NEDD9: variants seen among roughly 807,000 people sequenced by gnomAD.
The protein encoded by NEDD9 is enhancer of filamentation 1.
NEDD9 carries 26 observed loss-of-function variants against 76.6 expected under a neutral mutation model. That is an observed-to-expected ratio of 0.34 (90% CI 0.25 to 0.47). The LOEUF (loss-of-function observed/expected upper bound fraction) is 0.47, where lower values mean the gene tolerates loss of function less well. Among genes scored for constraint, NEDD9 ranks in the 20% least tolerant of loss-of-function variants. The pLI, the probability that NEDD9 is intolerant of heterozygous loss-of-function variation, is 1.00. For missense variants in NEDD9, 937 were observed against 1,058.5 expected (o/e 0.89, Z 1.59); for synonymous variants, 392 against 414.2 (o/e 0.95, Z 0.65).
chr6:11,230,986 C>G (rs751975994), intron 1 of NEDD9, among the ~76,000 whole-genome samples: 4 of 152,168 alleles, frequency 2.6e-5, no homozygotes, highest in Non-Finnish European at 5.9e-5. Context: ...CAATAATAGA[C>G]ATATGAACAT....
At chr6:11,253,405 T>G (rs1759947258) in intron 3 of NEDD9, among the ~76,000 whole-genome samples, 1 of 152,194 alleles carries the variant, frequency 6.6e-6, no homozygotes, top group Non-Finnish European at 1.5e-5. Context: ...TATGTCTCAT[T>G]CTTCACTTTT....
intron 2 of NEDD9, chr6:11,306,283 T>A: frequency 2.0e-6 from 1 of 497,874 alleles, no homozygotes; most frequent in South Asian, 2.6e-5. Flanking sequence ...ATGGAATCCA[T>A]CATCCATTCA....
chr6:11,346,437 G>C (rs1036802818), intron 1 of NEDD9, among the ~76,000 whole-genome samples: 1 of 151,264 alleles, frequency 6.6e-6, no homozygotes, highest in Non-Finnish European at 1.5e-5. Context: ...ACAAATGTCT[G>C]TGGTTCACTT....
intron 2 of NEDD9, among the ~76,000 whole-genome samples, chr6:11,333,963 G>C (rs1049836203): frequency 6.6e-6 from 1 of 152,158 alleles, no homozygotes; most frequent in Non-Finnish European, 1.5e-5. Flanking sequence ...TAAAAAGAAG[G>C]GCTTTAGCCC....
chr6:11,367,756 C>T (rs1224288774), intron 1 of NEDD9, among the ~76,000 whole-genome samples: 2 of 152,232 alleles, frequency 1.3e-5, no homozygotes, highest in African/African-American at 4.8e-5. Flanking sequence ...AACTCCCTAG[C>T]TCAATCATTG....
intron 2 of NEDD9, among the ~76,000 whole-genome samples, chr6:11,331,955 T>C (rs1316312693): frequency 6.6e-6 from 1 of 152,236 alleles, no homozygotes; most frequent in Non-Finnish European, 1.5e-5. Context: ...GTTTTTAAAC[T>C]GATCCGCTCT....
intron 3 of NEDD9, 23 bp downstream of exon 3, chr6:11,193,568 T>A (rs1197682995): frequency 6.3e-7 from 1 of 1,577,592 alleles, no homozygotes; most frequent in Non-Finnish European, 8.7e-7. Flanking sequence ...CTTCTCCTCT[T>A]GTGACCATGT....
intron 1 of NEDD9, among the ~76,000 whole-genome samples, chr6:11,377,816 T>C (rs566414474): frequency 6.6e-6 from 1 of 152,290 alleles, no homozygotes; most frequent in South Asian, 2.1e-4. Flanking sequence ...AGTCTCATGT[T>C]GAAATGTGAT....
chr6:11,323,416 C>G (rs1561834937), intron 2 of NEDD9, among the ~76,000 whole-genome samples: 1 of 152,232 alleles, frequency 6.6e-6, no homozygotes, highest in Non-Finnish European at 1.5e-5. Flanking sequence ...GAGTGGCGTC[C>G]TCTCAGACAT....
At chr6:11,286,609 T>A (rs1433540190) in intron 3 of NEDD9, among the ~76,000 whole-genome samples, 1 of 152,186 alleles carries the variant, frequency 6.6e-6, no homozygotes, top group African/African-American at 2.4e-5. Context: ...CTGTGGTCCA[T>A]CCGTATGAAG....
intron 3 of NEDD9, among the ~76,000 whole-genome samples, chr6:11,277,364 A>C (rs1581995006): frequency 6.6e-6 from 1 of 152,222 alleles, no homozygotes; most frequent in South Asian, 2.1e-4. Context: ...TATTAGACAA[A>C]AGGTCAACAT....
chr6:11,315,745 T>G (rs890928208), intron 2 of NEDD9, among the ~76,000 whole-genome samples: 2 of 152,184 alleles, frequency 1.3e-5, no homozygotes, highest in Non-Finnish European at 2.9e-5. Flanking sequence ...TCTCCTTTGT[T>G]GTAAATGGGC....
In NEDD9 at chr6:11,321,159, G is replaced by A. The variant is rs190619089; in HGVS notation, c.-153+13342C>T. Among the ~76,000 whole-genome samples, 436 of 101,464 alleles carry A rather than the reference G, an allele frequency of 4.3e-3. 1 individual carries two copies. The highest frequency in any genetic ancestry group is 7.4e-3 in the Non-Finnish European group (364 of 49,476). The allele number at this position is 101,464 out of a possible 152,430, so 66.6% of individuals were successfully genotyped here. A position where few individuals can be genotyped will look rare whatever the true frequency, so the allele number is the denominator to read the frequency against. ...AAGAAGGGAGGGACAGAAGGAAGGA[G>A]GGAGGGAAAGAAGGAAGGAGGGAGG... On this transcript the variant is annotated intron_variant, in intron 2 of 3. Transcript: ENST00000397378.
intron 1 of NEDD9, among the ~76,000 whole-genome samples, chr6:11,376,412 G>C (rs902095717): frequency 6.6e-6 from 1 of 152,200 alleles, no homozygotes; most frequent in Non-Finnish European, 1.5e-5. Flanking sequence ...TCTGGCTGAT[G>C]AGGTCTCAGA....
At chr6:11,363,914 C>G (rs1762719855) in intron 1 of NEDD9, among the ~76,000 whole-genome samples, 1 of 152,126 alleles carries the variant, frequency 6.6e-6, no homozygotes, top group Non-Finnish European at 1.5e-5. Context: ...TATGTAATCT[C>G]ACAACAATCA....
At chr6:11,260,129 T>C (rs1760079662) in intron 3 of NEDD9, among the ~76,000 whole-genome samples, 1 of 152,204 alleles carries the variant, frequency 6.6e-6, no homozygotes, top group Non-Finnish European at 1.5e-5. Flanking sequence ...ACTTACATTA[T>C]AGAAATAATT....
intron 3 of NEDD9, among the ~76,000 whole-genome samples, chr6:11,274,077 ACT>A (rs1253644045): frequency 1.3e-5 from 2 of 151,714 alleles, no homozygotes; most frequent in East Asian, 1.9e-4. Flanking sequence ...TCCTTTTTCC[ACT>A]CTCTCTCCCT....
chr6:11,311,697 G>A (rs921600611), intron 2 of NEDD9, among the ~76,000 whole-genome samples: 1 of 152,206 alleles, frequency 6.6e-6, no homozygotes, highest in African/African-American at 2.4e-5. Context: ...TAGTTTGCTA[G>A]AGCTGCCATA....
At chr6:11,313,763 G>A (rs771794945) in intron 2 of NEDD9, among the ~76,000 whole-genome samples, 3 of 152,174 alleles carry the variant, frequency 2.0e-5, no homozygotes, top group Non-Finnish European at 4.4e-5. Context: ...GAGTAAACAA[G>A]CTCATTTTTT....
Sources: gnomAD v4.1 joint callset for allele counts (sites outside exome capture counted in the v4.1 genomes callset) on GRCh38, gnomAD v4.1.1 for gene constraint, MANE v1.5 for transcripts, NCBI Gene and HGNC (gene_info 2026-07-23, HGNC 2026-07-21) for gene names.